RALGPS2: variants seen among roughly 807,000 people sequenced by gnomAD.
The protein encoded by RALGPS2 is Ral GEF with PH domain and SH3 binding motif 2.
RALGPS2 carries 43 observed loss-of-function variants against 86.8 expected under a neutral mutation model. The ratio of observed to expected loss-of-function variants is 0.50; its 90% CI spans 0.39 to 0.64. RALGPS2 has a LOEUF of 0.64. Among genes scored for constraint, RALGPS2 ranks in the 30% least tolerant of loss-of-function variants. RALGPS2 has a pLI of 0.00. For missense variants in RALGPS2, 536 were observed against 694.6 expected, an observed-to-expected ratio of 0.77 and a Z score of 2.57; for synonymous variants, 243 against 231.3, an observed-to-expected ratio of 1.05 and a Z score of -0.46.
intron 8 of RALGPS2, among the ~76,000 whole-genome samples, chr1:178,834,732 G>C (rs80237677): frequency 2.3e-3 from 346 of 152,282 alleles, no homozygotes; most frequent in African/African-American, 8.0e-3. Context: ...AAGACATTCT[G>C]TATGTGCTTT....
intron 7 of RALGPS2, among the ~76,000 whole-genome samples, chr1:178,833,001 T>G (rs540277569): frequency 6.6e-6 from 1 of 152,234 alleles, no homozygotes; most frequent in South Asian, 2.1e-4. Flanking sequence ...AGAAAAAGTG[T>G]TAATCGCAAA....
intron 1 of RALGPS2, among the ~76,000 whole-genome samples, chr1:178,739,477 A>G (rs1650902208): frequency 6.6e-6 from 1 of 152,210 alleles, no homozygotes; most frequent in Non-Finnish European, 1.5e-5. Flanking sequence ...TGTTTCATTT[A>G]TGTGGAAAGA....
At chr1:178,901,227 T>G (rs1462288150) in intron 17 of RALGPS2, among the ~76,000 whole-genome samples, 1 of 152,060 alleles carries the variant, frequency 6.6e-6, no homozygotes, top group Non-Finnish European at 1.5e-5. Context: ...CTGTATACTC[T>G]CCACCCAGTG....
At chr1:178,868,604 T>C (rs1468939380) in intron 8 of RALGPS2, among the ~76,000 whole-genome samples, 1 of 151,994 alleles carries the variant, frequency 6.6e-6, no homozygotes, top group Non-Finnish European at 1.5e-5. Flanking sequence ...CCAAGACTGC[T>C]GTTAGGACTT....
chr1:178,873,146 T>G (rs368710271), intron 8 of RALGPS2, among the ~76,000 whole-genome samples: 109 of 152,234 alleles, frequency 7.2e-4, no homozygotes, highest in Admixed American at 1.4e-3. Flanking sequence ...CCAAGAGAGA[T>G]GTTTTAAGAC....
chr1:178,737,707 T>C (rs533313518), intron 1 of RALGPS2, among the ~76,000 whole-genome samples: 1 of 152,366 alleles, frequency 6.6e-6, no homozygotes, highest in Non-Finnish European at 1.5e-5. Context: ...TCATCTTATT[T>C]TAATGTAAGA....
chr1:178,912,335 T>C (rs1660658330), intron 19 of RALGPS2, among the ~76,000 whole-genome samples: 1 of 152,188 alleles, frequency 6.6e-6, no homozygotes, highest in Non-Finnish European at 1.5e-5. Context: ...TTTCTTTCAT[T>C]TCCACATGTA....
intron 8 of RALGPS2, among the ~76,000 whole-genome samples, chr1:178,858,502 A>G (rs1323325283): frequency 6.6e-6 from 1 of 152,172 alleles, no homozygotes; most frequent in African/African-American, 2.4e-5. Flanking sequence ...AAAAGGTATA[A>G]ACTGGAATTA....
chr1:178,792,397 C>T (rs184397079), intron 4 of RALGPS2, among the ~76,000 whole-genome samples: 108 of 152,276 alleles, frequency 7.1e-4, no homozygotes, highest in Non-Finnish European at 1.3e-3. Flanking sequence ...CCAGTATCTC[C>T]CATTGACGTT....
chr1:178,801,801 TG>T lies in RALGPS2; in HGVS notation c.214-6243del, dbSNP rs1654491033. On this transcript the variant is annotated intron_variant, in intron 4 of 19. Transcript: ENST00000367635. ...CCACACCAGAGGAATTAACAAAAGG[TG>T]ACTTGATGGGTAGAAGGGAGGGAGG... Among the ~76,000 whole-genome samples, 9 of 107,514 alleles carry T rather than the reference TG, an allele frequency of 8.4e-5. No homozygotes were observed. In the South Asian group the frequency reaches 2.6e-3, roughly 32 times the overall value. 70.5% of individuals were successfully genotyped at this position (107,514 alleles called of 152,430 possible). A position where few individuals can be genotyped will look rare whatever the true frequency, so the allele number is the denominator to read the frequency against.
intron 8 of RALGPS2, among the ~76,000 whole-genome samples, chr1:178,840,065 C>A (rs1441475286): frequency 6.6e-6 from 1 of 152,122 alleles, no homozygotes; most frequent in African/African-American, 2.4e-5. Context: ...GACTTTAACA[C>A]CCCACTGTCA....
chr1:178,853,511 A>G (rs1657320572), intron 8 of RALGPS2: 2 of 1,124,218 alleles, frequency 1.8e-6, no homozygotes, highest in Non-Finnish European at 2.4e-6. Flanking sequence ...TGTGTGTCTT[A>G]TTTATTGCAT....
chr1:178,873,090 C>T (rs950973495), intron 8 of RALGPS2, among the ~76,000 whole-genome samples: 2 of 151,918 alleles, frequency 1.3e-5, no homozygotes, highest in Non-Finnish European at 2.9e-5. Context: ...GAGAACTAGA[C>T]GAGAATGGTT....
At position 178,921,403 on chromosome 1, in the gene RALGPS2, C is replaced by T. The variant is rs1647302062; in HGVS notation, c.*5044C>T. 1 of 150,932 alleles carries T rather than the reference C, an allele frequency of 6.6e-6. No homozygotes were observed. Among genetic ancestry groups the T allele is most frequent in the African/African-American group, 2.4e-5 (1 of 41,036 alleles). The allele number at this position is 150,932 out of a possible 1,614,324, so 9.3% of individuals were successfully genotyped here. ...ACATATATAGTCCAATAATTACTGACTTAATAGGTATGGTAAAATAGCTGA... is the reference window on the plus strand; with the variant it reads ...ACATATATAGTCCAATAATTACTGATTTAATAGGTATGGTAAAATAGCTGA... On this transcript the variant is annotated 3_prime_UTR_variant, in exon 20 of 20. Transcript: ENST00000367635.
chr1:178,820,952 A>G (rs1655469676), intron 6 of RALGPS2, among the ~76,000 whole-genome samples: 1 of 152,246 alleles, frequency 6.6e-6, no homozygotes, highest in Non-Finnish European at 1.5e-5. Flanking sequence ...CTTGCAGGAT[A>G]TAAGCATCAG....
At chr1:178,785,092 G>A (rs1424892363) in intron 3 of RALGPS2, among the ~76,000 whole-genome samples, 2 of 151,908 alleles carry the variant, frequency 1.3e-5, no homozygotes, top group East Asian at 3.9e-4. Flanking sequence ...TATATCTATA[G>A]CCATAAGTGG....
Position 178,877,681 on chromosome 1 carries a change from C to G in RALGPS2, c.745+46C>G, listed in dbSNP as rs1453159357. The G allele has an allele frequency of 2.5e-6, 4 of 1,599,384 alleles. No homozygotes were observed. The South Asian group carries it at 4.4e-5, about 18-fold the overall frequency. On this transcript the variant is annotated intron_variant, in intron 9 of 19. Coordinates refer to ENST00000367635, the MANE Select transcript of RALGPS2 (RefSeq NM_152663.5). Reference sequence around the variant, plus strand: ...GCCAAGCCATTAAGATTGCTGTAATCCAGTGATTTATTTACACACACTGAT... The same window carrying G: ...GCCAAGCCATTAAGATTGCTGTAATGCAGTGATTTATTTACACACACTGAT...
At chr1:178,739,535 C>T (rs1380466535) in intron 1 of RALGPS2, among the ~76,000 whole-genome samples, 2 of 152,142 alleles carry the variant, frequency 1.3e-5, no homozygotes, top group Admixed American at 6.5e-5. Flanking sequence ...GCAACCAGAA[C>T]TAGGTGTTGT....
intron 1 of RALGPS2, among the ~76,000 whole-genome samples, chr1:178,748,921 G>C (rs1030364879): frequency 3.3e-5 from 5 of 151,192 alleles, no homozygotes; most frequent in African/African-American, 1.2e-4. Context: ...ATTTTTCATA[G>C]GTGTATACTA....
Sources: gnomAD v4.1 joint callset for allele counts (sites outside exome capture counted in the v4.1 genomes callset) on GRCh38, gnomAD v4.1.1 for gene constraint, MANE v1.5 for transcripts, NCBI Gene and HGNC (gene_info 2026-07-23, HGNC 2026-07-21) for gene names.